Variants in WLS observed in about 807,000 individuals in gnomAD.
The protein encoded by WLS is Wnt ligand secretion mediator, also known as protein wntless homolog.
Under a neutral mutation model 62.8 loss-of-function variants are expected in WLS, and 23 were observed. That is an observed-to-expected ratio of 0.37 (90% confidence interval 0.26 to 0.52). The LOEUF is 0.52. Among genes scored for constraint, WLS ranks in the 20% least tolerant of loss-of-function variants. The pLI is 0.92. For synonymous variants in WLS, 246 were observed against 244.1 expected (o/e 1.01, Z -0.07); for missense variants, 615 against 697.3 (o/e 0.88, Z 1.33).
At chr1:68,217,040 G>A (rs1361918910) in intron 1 of WLS, among the ~76,000 whole-genome samples, 2 of 152,142 alleles carry the variant, frequency 1.3e-5, no homozygotes, top group Non-Finnish European at 2.9e-5. Context: ...GCAATAAGAA[G>A]TACACTGAAG....
chr1:68,166,619 A>T (rs187758127), intron 2 of WLS, among the ~76,000 whole-genome samples: 14 of 152,320 alleles, frequency 9.2e-5, no homozygotes, highest in South Asian at 4.2e-4. Flanking sequence ...ACTCAACACA[A>T]ACTAAATACC....
At chr1:68,176,821 C>T (rs557991843) in intron 2 of WLS, among the ~76,000 whole-genome samples, 14 of 152,324 alleles carry the variant, frequency 9.2e-5, no homozygotes, top group African/African-American at 3.4e-4. Flanking sequence ...AAAACTTTTT[C>T]TCCAGTAACA....
In WLS at chr1:68,142,757, A is replaced by G. The variant is rs1244600090; in HGVS notation, c.1362+1812T>C. 5.3e-5 allele frequency: 8 copies of G among 152,346 alleles called. 1 individual carries two copies. Among genetic ancestry groups the G allele is most frequent in the Non-Finnish European group, 7.3e-5 (5 of 68,028 alleles). The allele number at this position is 152,346 out of a possible 1,614,324, so 9.4% of individuals were successfully genotyped here. A position where few individuals can be genotyped will look rare whatever the true frequency, so the allele number is the denominator to read the frequency against. On this transcript the variant is annotated intron_variant, in intron 10 of 11. Coordinates refer to ENST00000262348, the MANE Select transcript of WLS (RefSeq NM_024911.7). The stretch of plus-strand genomic sequence containing the variant: ...CGTTCATTTCAACCTCAGCAGAGCT[A>G]GCAACACTAACACTCCCCAGTGGCA...
chr1:68,232,475 C>T lies in WLS; in HGVS notation c.-176G>A, dbSNP rs1650476231. On this transcript the variant is annotated 5_prime_UTR_variant, in exon 1 of 12. Transcript: ENST00000262348. ...GGACGGAAGGCGCCCGCACGGATTCCCCCGGCGCAGCCGGCTCGGGTTCCC... is the reference window on the plus strand; with the variant it reads ...GGACGGAAGGCGCCCGCACGGATTCTCCCGGCGCAGCCGGCTCGGGTTCCC... 7 of 1,321,638 alleles carry T rather than the reference C, an allele frequency of 5.3e-6. No homozygotes were observed. In the South Asian group the frequency reaches 5.6e-5, roughly 11 times the overall value. 81.9% of individuals were successfully genotyped at this position (1,321,638 alleles called of 1,614,324 possible).
intron 2 of WLS, among the ~76,000 whole-genome samples, chr1:68,185,518 C>T (rs1647881343): frequency 6.6e-6 from 1 of 152,120 alleles, no homozygotes; most frequent in Non-Finnish European, 1.5e-5. Context: ...AGTTCTGCCT[C>T]CTGTCAGATC....
intron 2 of WLS, among the ~76,000 whole-genome samples, chr1:68,189,258 G>A (rs534623265): frequency 1.3e-5 from 2 of 152,038 alleles, no homozygotes; most frequent in Non-Finnish European, 2.9e-5. Context: ...AGGGATGCTG[G>A]CATTTCAGAT....
Position 68,098,683 on chromosome 1 carries a change from GAACA to G in WLS, c.1577_1580del (p.Leu526SerfsTer56), listed in dbSNP as rs1159328042. The G allele has an allele frequency of 1.2e-6, 2 of 1,613,894 alleles. No homozygotes were observed. The highest frequency in any genetic ancestry group is 1.7e-6 in the Non-Finnish European group (2 of 1,179,944). ...TGATGAAGGAATATTTCGAAGCGCTGAACAATTCTTGATAAAGTTCCGAAACAAA... is the reference window on the plus strand; with the variant it reads ...TGATGAAGGAATATTTCGAAGCGCTGATTCTTGATAAAGTTCCGAAACAAA... On this transcript the variant is annotated frameshift_variant, in exon 12 of 12. Transcript: ENST00000354777. LOFTEE classifies it low-confidence loss of function (END_TRUNC).
intron 5 of WLS, among the ~76,000 whole-genome samples, chr1:68,150,938 C>G (rs1399924402): frequency 2.0e-5 from 3 of 152,080 alleles, no homozygotes; most frequent in African/African-American, 7.2e-5. Flanking sequence ...TTTTTCCATC[C>G]CCTTGAAACA....
intron 11 of WLS, among the ~76,000 whole-genome samples, chr1:68,129,330 A>AC: frequency 6.6e-6 from 1 of 151,602 alleles, no homozygotes; most frequent in Non-Finnish European, 1.5e-5. Context: ...AACTAAACAA[A>AC]ACAAAAAACT....
At chr1:68,150,120 C>T in intron 6 of WLS, 68 bp downstream of exon 6, 1 of 1,529,464 alleles carries the variant, frequency 6.5e-7, no homozygotes, top group East Asian at 2.3e-5. Context: ...CAAAGGGGGG[C>T]AGGTGTCAGC....
At chr1:68,181,802 T>C (rs577630268) in intron 2 of WLS, among the ~76,000 whole-genome samples, 1 of 152,286 alleles carries the variant, frequency 6.6e-6, no homozygotes, top group East Asian at 1.9e-4. Flanking sequence ...AACCACCCAT[T>C]TGCAAACCTG....
At chr1:68,156,101 C>T (rs1646894587) in intron 3 of WLS, among the ~76,000 whole-genome samples, 2 of 152,194 alleles carry the variant, frequency 1.3e-5, no homozygotes, top group South Asian at 4.2e-4. Context: ...TCCACCTCAC[C>T]AGGACTCCCG....
At position 68,194,161 on chromosome 1, in the gene WLS, T is replaced by G. The variant is rs751470492; in HGVS notation, c.173A>C (p.His58Pro). Reference protein sequence around the residue: ...VKCVDARKNHHKTKWFVPWGP... With the variant: ...VKCVDARKNHPKTKWFVPWGP... Reference sequence around the variant, plus strand: ...CCAAGGCACGAACCATTTTGTCTTGTGATGGTTCTTACGGGCATCCACACA... The same window carrying G: ...CCAAGGCACGAACCATTTTGTCTTGGGATGGTTCTTACGGGCATCCACACA... The change falls in exon 2 of 12, where the codon CAC (histidine) becomes CCC (proline). Residue 58 changes from histidine (H) to proline (P), a missense_variant. By Grantham distance (77) the His-to-Pro change is moderately conservative. Transcript: ENST00000262348. The G allele has an allele frequency of 8.1e-6, 13 of 1,614,216 alleles. No homozygotes were observed. Among genetic ancestry groups the G allele is most frequent in the Non-Finnish European group, 1.0e-5 (12 of 1,180,032 alleles).
At chr1:68,187,881 A>G (rs1053890975) in intron 2 of WLS, among the ~76,000 whole-genome samples, 1 of 152,212 alleles carries the variant, frequency 6.6e-6, no homozygotes, top group Non-Finnish European at 1.5e-5. Context: ...AAACATATTT[A>G]TCCTTTTTTC....
Position 68,194,070 on chromosome 1 carries a change from A to G in WLS, c.264T>C (p.Asn88=), listed in dbSNP as rs746565612. ...GAATGTGAACAGAAAACACGATGTC[A>G]TTGGCTTCAATTTCCCTTGGAATTG... ...EEAIPREIEA[N]DIVFSVHIPL... Residue 88 remains asparagine, a synonymous_variant, in exon 2 of 12, where the codon AAT becomes AAC. Coordinates refer to ENST00000262348, the MANE Select transcript of WLS (RefSeq NM_024911.7). 6.2e-7 allele frequency: 1 copy of G among 1,614,044 alleles called. No homozygotes were observed. Among genetic ancestry groups the G allele is most frequent in the Non-Finnish European group, 8.5e-7 (1 of 1,180,034 alleles).
chr1:68,157,673 C>T (rs1383902046), intron 3 of WLS, among the ~76,000 whole-genome samples: 1 of 151,946 alleles, frequency 6.6e-6, no homozygotes, highest in Non-Finnish European at 1.5e-5. Context: ...AATTTCACTG[C>T]AATCAAAAAG....
downstream of WLS, among the ~76,000 whole-genome samples, chr1:68,120,798 C>T (rs1427295561): frequency 2.6e-5 from 4 of 152,096 alleles, no homozygotes; most frequent in African/African-American, 4.8e-5. Context: ...CTTTTTCTGG[C>T]CTCAGGTGAA....
intron 1 of WLS, among the ~76,000 whole-genome samples, chr1:68,223,503 G>T (rs922575985): frequency 6.6e-6 from 1 of 152,148 alleles, no homozygotes; most frequent in Non-Finnish European, 1.5e-5. Flanking sequence ...AAACAGTGTC[G>T]TGTGTAAGTT....
intron 2 of WLS, chr1:68,162,587 G>T (rs367778835): frequency 1.4e-6 from 2 of 1,472,308 alleles, no homozygotes; most frequent in African/African-American, 1.4e-5. Flanking sequence ...GCCAACTCGC[G>T]GTTCTGCTCC....
Sources: gnomAD v4.1 joint callset for allele counts (sites outside exome capture counted in the v4.1 genomes callset) on GRCh38, gnomAD v4.1.1 for gene constraint, MANE v1.5 for transcripts, NCBI Gene and HGNC (gene_info 2026-07-23, HGNC 2026-07-21) for gene names.